Variants in CYSLTR1 observed in about 807,000 individuals in gnomAD.
The protein encoded by CYSLTR1 is cysteinyl leukotriene receptor 1.
A neutral mutation model predicts 2.1 loss-of-function variants in CYSLTR1; 1 was observed. The observed-to-expected ratio is 0.48, with a 90% CI of 0.17 to 2.28. The LOEUF (loss-of-function observed/expected upper bound fraction) is 2.28. CYSLTR1 is among the 30% of genes most tolerant of loss of function. The probability of loss-of-function intolerance (pLI) is 0.26; values close to 1 mark genes in which losing one functional copy is unlikely to be tolerated. For synonymous variants in CYSLTR1, 110 were observed against 89.6 expected (o/e 1.23, Z -1.28); for missense variants, 299 against 250.1 (o/e 1.20, Z -1.32).
chrX:78,313,267 C>A (rs1694631872), intron 1 of CYSLTR1, among the ~76,000 whole-genome samples: 1 of 111,420 alleles, frequency 9.0e-6, no homozygotes, highest in Non-Finnish European at 1.9e-5. Context: ...ATATTGAATA[C>A]ATATAGACAT....
chrX:78,289,916 C>G (rs1211208442), intron 1 of CYSLTR1, among the ~76,000 whole-genome samples: 1 of 111,524 alleles, frequency 9.0e-6, no homozygotes, highest in Non-Finnish European at 1.9e-5. Flanking sequence ...TGTAGGTTGC[C>G]TGTTCACTCT....
chrX:78,292,678 A>G (rs1250843504), intron 1 of CYSLTR1, among the ~76,000 whole-genome samples: 2 of 111,268 alleles, frequency 1.8e-5, no homozygotes, highest in Non-Finnish European at 3.8e-5. Context: ...TATATTTAGG[A>G]TAGTTAGCGC....
Position 78,276,640 on chromosome X carries a change from C to CATT in CYSLTR1, c.-27-2870_-27-2868dup, listed in dbSNP as rs757354817. ...ATTTTTTCCCTTTCATTAAAAAAGT[C>CATT]ATTATTATTATTATTATTACCAAGA... On this transcript the variant is annotated intron_variant, in intron 2 of 2. Transcript: ENST00000373304. Among the ~76,000 whole-genome samples the CATT allele has an allele frequency of 9.1e-5, 10 of 110,225 alleles. No individual in the cohort carries two copies. The South Asian group carries it at 2.0e-3, about 22-fold the overall frequency.
At chrX:78,278,808 C>G (rs1460518587) in intron 2 of CYSLTR1, among the ~76,000 whole-genome samples, 2 of 112,035 alleles carry the variant, frequency 1.8e-5, no homozygotes, top group East Asian at 5.6e-4. Context: ...ATCTGCACAC[C>G]TACAACCATC....
intron 1 of CYSLTR1, among the ~76,000 whole-genome samples, chrX:78,324,885 T>C (rs1319270349): frequency 9.1e-6 from 1 of 110,243 alleles, no homozygotes; most frequent in Non-Finnish European, 1.9e-5. Flanking sequence ...CTTTAGGTCT[T>C]TCTATTTTAG....
At chrX:78,294,166 G>C (rs1202044703) in intron 1 of CYSLTR1, among the ~76,000 whole-genome samples, 1 of 112,223 alleles carries the variant, frequency 8.9e-6, no homozygotes, top group East Asian at 2.8e-4. Context: ...ATGTGGTTTT[G>C]GTGTGGCTGT....
Position 78,286,115 on chromosome X carries a change from C to T in CYSLTR1, c.-114-2575G>A, listed in dbSNP as rs148134340. 1.7e-4 allele frequency among the ~76,000 whole-genome samples: 19 copies of T among 111,145 alleles called. No individual in the cohort carries two copies. In the East Asian group the frequency reaches 4.5e-3, roughly 26 times the overall value. On this transcript the variant is annotated intron_variant, in intron 1 of 2. Coordinates refer to ENST00000373304, the MANE Select transcript of CYSLTR1 (RefSeq NM_006639.4). ...GCAGCTATTGAACCTATAACCTGGT[C>T]AAGCTCTAGTGTGCAAGGTAAATAA...
At chrX:78,291,228 T>C (rs750301328) in intron 1 of CYSLTR1, among the ~76,000 whole-genome samples, 1 of 111,751 alleles carries the variant, frequency 8.9e-6, no homozygotes, top group East Asian at 2.8e-4. Context: ...ATGGTTTTTA[T>C]TGTTGGTTCT....
Position 78,327,494 on chromosome X carries a change from C to T in CYSLTR1, c.-304G>A, listed in dbSNP as rs1184068502. ...ACAGAGTGCCTGCTCTATAGGCAAG[C>T]TTCTTTGCAAAGATGGGTTGCTGCT... On this transcript the variant is annotated 5_prime_UTR_variant, in exon 1 of 3. Coordinates refer to ENST00000373304, the MANE Select transcript of CYSLTR1 (RefSeq NM_006639.4). 8.9e-6 allele frequency: 1 copy of T among 112,121 alleles called. No individual in the cohort carries two copies. The highest frequency in any genetic ancestry group is 1.9e-5 in the Non-Finnish European group (1 of 53,304). The allele number at this position is 112,121 out of a possible 1,213,427, so 9.2% of individuals were successfully genotyped here. A position where few individuals can be genotyped will look rare whatever the true frequency, so the allele number is the denominator to read the frequency against.
At chrX:78,295,122 C>A (rs765367183) in intron 1 of CYSLTR1, among the ~76,000 whole-genome samples, 2 of 112,112 alleles carry the variant, frequency 1.8e-5, no homozygotes, top group South Asian at 7.4e-4. Flanking sequence ...GGAATGGAAC[C>A]AATGTTTATC....
At chrX:78,310,899 C>T (rs1015649628) in intron 1 of CYSLTR1, among the ~76,000 whole-genome samples, 6 of 106,638 alleles carry the variant, frequency 5.6e-5, no homozygotes, top group Admixed American at 2.0e-4. Context: ...GGTGTGTGGG[C>T]GTGTGTGTGT....
intron 1 of CYSLTR1, among the ~76,000 whole-genome samples, chrX:78,304,255 C>T (rs1224455123): frequency 8.9e-6 from 1 of 111,944 alleles, no homozygotes; most frequent in Non-Finnish European, 1.9e-5. Context: ...TTTTGTTTTA[C>T]AAGTTATGCC....
intron 2 of CYSLTR1, among the ~76,000 whole-genome samples, chrX:78,276,459 A>G (rs1921595596): frequency 9.0e-6 from 1 of 110,682 alleles, no homozygotes; most frequent in Non-Finnish European, 1.9e-5. Context: ...ACTGCCAGCC[A>G]TGAAGGGGAC....
At chrX:78,313,493 GCAA>G (rs1242299544) in intron 1 of CYSLTR1, among the ~76,000 whole-genome samples, 1 of 111,652 alleles carries the variant, frequency 9.0e-6, no homozygotes, top group African/African-American at 3.3e-5. Flanking sequence ...AATAAAATTA[GCAA>G]CAATAGAATG....
intron 2 of CYSLTR1, among the ~76,000 whole-genome samples, chrX:78,277,309 C>A (rs1160372868): frequency 9.0e-6 from 1 of 111,291 alleles, no homozygotes; most frequent in Non-Finnish European, 1.9e-5. Context: ...TGCAGCACAG[C>A]CTCAGCTGCC....
At position 78,274,876 on chromosome X, in the gene CYSLTR1, G is replaced by T. The variant is rs1398628407; in HGVS notation, c.-27-1103C>A. The stretch of plus-strand genomic sequence containing the variant: ...GAATCTACAATGAACTCAAACAAAT[G>T]TACAAGAAAAAAACAAACAACCCCA... On this transcript the variant is annotated intron_variant, in intron 2 of 2. Transcript: ENST00000373304. 2.2e-4 allele frequency among the ~76,000 whole-genome samples: 24 copies of T among 109,905 alleles called. No homozygotes were observed. The East Asian group carries it at 4.6e-3, about 21-fold the overall frequency.
intron 1 of CYSLTR1, among the ~76,000 whole-genome samples, chrX:78,302,104 A>G (rs1350655682): frequency 1.8e-5 from 2 of 112,228 alleles, no homozygotes; most frequent in Non-Finnish European, 3.8e-5. Flanking sequence ...TGGGAGTTTC[A>G]AATCAAGATG....
chrX:78,283,838 A>G (rs752548841), intron 1 of CYSLTR1, among the ~76,000 whole-genome samples: 4 of 112,151 alleles, frequency 3.6e-5, no homozygotes, highest in East Asian at 2.8e-4. Flanking sequence ...TCCTCTCTCT[A>G]TGAAACCAGG....
intron 2 of CYSLTR1, 73 bp from the exon 3 acceptor site, chrX:78,273,846 T>C (rs1184066644): frequency 2.2e-6 from 2 of 899,329 alleles, no homozygotes; most frequent in Admixed American, 3.3e-5. Flanking sequence ...TTTTATTTCA[T>C]AGTGTCACTA....
Sources: allele counts gnomAD v4.1 joint callset (sites outside exome capture counted in the v4.1 genomes callset), GRCh38; gene constraint gnomAD v4.1.1; transcripts MANE v1.5; gene names NCBI Gene and HGNC (gene_info 2026-07-23, HGNC 2026-07-21).